Variants in SLC24A3 observed in about 807,000 individuals in gnomAD.
SLC24A3 encodes the protein solute carrier family 24 member 3.
In SLC24A3, 28 loss-of-function variants were observed where a neutral mutation model predicts 75.8. The observed-to-expected ratio is 0.37, with a 90% CI of 0.27 to 0.51. The LOEUF is 0.51. SLC24A3 is among the 20% of genes least tolerant of loss of function. The pLI is 0.94. For missense variants in SLC24A3, 663 were observed against 847.8 expected (o/e 0.78, Z 2.71); for synonymous variants, 372 against 334.1 (o/e 1.11, Z -1.24).
chr20:19,559,531 C>T (rs969729774), intron 3 of SLC24A3, among the ~76,000 whole-genome samples: 1 of 151,730 alleles, frequency 6.6e-6, no homozygotes, highest in Non-Finnish European at 1.5e-5. Context: ...TTTTCATTTT[C>T]CTTTTGTGTG....
At chr20:19,275,744 G>T (rs1005778595) in intron 1 of SLC24A3, among the ~76,000 whole-genome samples, 1 of 152,166 alleles carries the variant, frequency 6.6e-6, no homozygotes, top group Non-Finnish European at 1.5e-5. Context: ...CTTCCTTAGT[G>T]CATGCGGCTT....
intron 2 of SLC24A3, among the ~76,000 whole-genome samples, chr20:19,435,070 C>T (rs1254152448): frequency 1.3e-5 from 2 of 152,220 alleles, no homozygotes; most frequent in Non-Finnish European, 2.9e-5. Context: ...TCCAATTACT[C>T]CAGCTTTGGA....
At chr20:19,432,400 T>C (rs577491658) in intron 2 of SLC24A3, among the ~76,000 whole-genome samples, 1 of 151,846 alleles carries the variant, frequency 6.6e-6, no homozygotes, top group East Asian at 1.9e-4. Flanking sequence ...CCTGATTAAT[T>C]TGAAAGTATT....
chr20:19,329,588 A>G (rs1238438252), intron 2 of SLC24A3, among the ~76,000 whole-genome samples: 2 of 152,252 alleles, frequency 1.3e-5, no homozygotes, highest in African/African-American at 4.8e-5. Flanking sequence ...TTCTATCATG[A>G]AGCTATGAAG....
At chr20:19,559,432 T>C (rs1318509541) in intron 3 of SLC24A3, among the ~76,000 whole-genome samples, 3 of 152,214 alleles carry the variant, frequency 2.0e-5, no homozygotes, top group Non-Finnish European at 4.4e-5. Flanking sequence ...CTTAGCAGCA[T>C]CTGTTGGAGA....
At chr20:19,609,427 T>C (rs1200261922) in intron 6 of SLC24A3, among the ~76,000 whole-genome samples, 2 of 152,188 alleles carry the variant, frequency 1.3e-5, no homozygotes, top group Non-Finnish European at 2.9e-5. Flanking sequence ...TTACTTTAAG[T>C]TCCAGGATAC....
chr20:19,259,939 G>A (rs1982931409), intron 1 of SLC24A3, among the ~76,000 whole-genome samples: 1 of 152,170 alleles, frequency 6.6e-6, no homozygotes, highest in South Asian at 2.1e-4. Context: ...ACATTGAGGG[G>A]AAGATCATGC....
At chr20:19,336,452 C>T (rs1221519894) in intron 2 of SLC24A3, among the ~76,000 whole-genome samples, 4 of 151,632 alleles carry the variant, frequency 2.6e-5, no homozygotes, top group African/African-American at 4.9e-5. Flanking sequence ...GCTGGCATGC[C>T]GTGGCTCACT....
intron 2 of SLC24A3, among the ~76,000 whole-genome samples, chr20:19,288,825 G>A (rs962559152): frequency 4.6e-5 from 7 of 152,172 alleles, no homozygotes; most frequent in Non-Finnish European, 2.9e-5. Flanking sequence ...GGGGCCTGTC[G>A]ACTGTCTTTG....
chr20:19,257,428 A>G (rs1982846965), intron 1 of SLC24A3, among the ~76,000 whole-genome samples: 1 of 152,218 alleles, frequency 6.6e-6, no homozygotes, highest in African/African-American at 2.4e-5. Flanking sequence ...AGCCAAGAAC[A>G]GGTGCTTGGG....
intron 9 of SLC24A3, among the ~76,000 whole-genome samples, chr20:19,678,616 CG>C (rs2122735153): frequency 7.1e-6 from 1 of 141,554 alleles, no homozygotes; most frequent in African/African-American, 2.6e-5. Context: ...ACCTCCCGGA[CG>C]GGGCGGCTGG....
At chr20:19,389,922 G>A (rs1473351203) in intron 2 of SLC24A3, among the ~76,000 whole-genome samples, 2 of 151,910 alleles carry the variant, frequency 1.3e-5, no homozygotes, top group South Asian at 2.1e-4. Context: ...TAAATTTTTG[G>A]TGGTGTTGTT....
At chr20:19,578,321 G>A (rs1000272930) in intron 3 of SLC24A3, among the ~76,000 whole-genome samples, 4 of 151,756 alleles carry the variant, frequency 2.6e-5, no homozygotes, top group African/African-American at 7.3e-5. Context: ...TGTACTTTTC[G>A]TGTATGCATG....
rs759463775 is a variant in SLC24A3, at chr20:19,545,874, G to A, written c.348+30310G>A. Among the ~76,000 whole-genome samples the A allele has an allele frequency of 2.0e-5, 3 of 151,900 alleles. No homozygotes were observed. The East Asian group carries it at 5.8e-4, about 29-fold the overall frequency. ...ATAATAACCCATAAAACAGGTCATC[G>A]ACCGGCCAGGCATGGTGGCTCACAC... is the stretch of plus-strand genomic sequence containing the variant. On this transcript the variant is annotated intron_variant, in intron 3 of 16. Transcript: ENST00000328041.
At chr20:19,413,819 T>C (rs1380688569) in intron 2 of SLC24A3, among the ~76,000 whole-genome samples, 1 of 152,210 alleles carries the variant, frequency 6.6e-6, no homozygotes, top group Non-Finnish European at 1.5e-5. Context: ...ATCAATAGGT[T>C]TGACGTAATA....
chr20:19,429,151 G>A (rs1987060791), intron 2 of SLC24A3, among the ~76,000 whole-genome samples: 1 of 152,210 alleles, frequency 6.6e-6, no homozygotes, highest in African/African-American at 2.4e-5. Context: ...GGTATGAACT[G>A]TGTTTAACAA....
In SLC24A3 at chr20:19,698,651, C is replaced by A; in HGVS notation, c.1690C>A (p.Gln564Lys). The part of the protein sequence containing the change: ...LIGLGLPWAL[Q>K]TLAVDYGSYI... ...TGGCCTCGGTCTCCCCTGGGCTCTG[C>A]AGACCCTGGCTGTGGATTACGGATC... The change falls in exon 15 of 17, where the codon CAG (glutamine) becomes AAG (lysine). Residue 564 changes from glutamine (Q) to lysine (K), a missense_variant. Gln to Lys is a moderately conservative substitution (Grantham distance 53). Transcript: ENST00000328041. 1 of 1,590,290 alleles carries A rather than the reference C, an allele frequency of 6.3e-7. No individual in the cohort carries two copies. Among genetic ancestry groups the A allele is most frequent in the Non-Finnish European group, 8.6e-7 (1 of 1,166,232 alleles).
intron 2 of SLC24A3, among the ~76,000 whole-genome samples, chr20:19,330,574 G>A (rs1266334082): frequency 2.0e-5 from 3 of 152,192 alleles, no homozygotes; most frequent in African/African-American, 7.2e-5. Context: ...AATAGATAAA[G>A]CAGTGGAGAA....
At chr20:19,407,256 G>A (rs1486121140) in intron 2 of SLC24A3, among the ~76,000 whole-genome samples, 1 of 152,204 alleles carries the variant, frequency 6.6e-6, no homozygotes, top group African/African-American at 2.4e-5. Context: ...GGCAGCAGCA[G>A]CACTAAGAGG....
Sources: gnomAD v4.1 joint callset for allele counts (sites outside exome capture counted in the v4.1 genomes callset) on GRCh38, gnomAD v4.1.1 for gene constraint, MANE v1.5 for transcripts, NCBI Gene and HGNC (gene_info 2026-07-23, HGNC 2026-07-21) for gene names.